The following CDK12 variants were observed in gnomAD, a reference collection of about 807,000 sequenced individuals.
CDK12 encodes the protein cyclin-dependent kinase 12.
A neutral mutation model predicts 133.8 loss-of-function variants in CDK12; 17 were observed. That is an observed-to-expected ratio of 0.13 (90% CI 0.09 to 0.19). The LOEUF (loss-of-function observed/expected upper bound fraction) is 0.19, where lower values mean the gene tolerates loss of function less well. CDK12 is among the 10% of genes least tolerant of loss of function. The pLI is 1.00. For synonymous variants in CDK12, 694 were observed against 683.6 expected, an observed-to-expected ratio of 1.02 and a Z score of -0.24; for missense variants, 1,508 against 1,818.7, an observed-to-expected ratio of 0.83 and a Z score of 3.11.
chr17:39,471,109 T>G lies in CDK12; in HGVS notation c.1277T>G (p.Phe426Cys), dbSNP rs779048492. Reference protein sequence around the residue: ...DGKESKGSPVFLPRKENSSVE... With the variant: ...DGKESKGSPVCLPRKENSSVE... ...AAGGAGTCCAAGGGTTCACCTGTATTTTTGCCTAGAAAAGAGAACAGTTCA... is the reference window on the plus strand; with the variant it reads ...AAGGAGTCCAAGGGTTCACCTGTATGTTTGCCTAGAAAAGAGAACAGTTCA... Residue 426 changes from phenylalanine to cysteine, a missense_variant, in exon 2 of 14, where the codon TTT becomes TGT. By Grantham distance (205) the Phe-to-Cys change is radical (BLOSUM62 -2). Around this residue, in one of 9 missense-constraint regions of CDK12, gnomAD observed 347 missense variants for 330.8 expected, o/e 1.05. Coordinates refer to ENST00000447079, the MANE Select transcript of CDK12 (RefSeq NM_016507.4). 1.9e-6 allele frequency: 3 copies of G among 1,608,876 alleles called. No individual in the cohort carries two copies. The East Asian group carries it at 6.7e-5, about 36-fold the overall frequency.
rs1334423516 is a variant in CDK12 at position 39,534,041 on chromosome 17, A to G, written c.*2725A>G. On this transcript the variant is annotated 3_prime_UTR_variant, in exon 14 of 14. Transcript: ENST00000447079. ...TTATTTTGAACAGATGAGAAATCTG[A>G]TTCTGTTCATGAGTGGGAGGCAAAA... The G allele has an allele frequency of 4.3e-6, 1 of 232,450 alleles. No homozygotes were observed. Among genetic ancestry groups the G allele is most frequent in the East Asian group, 6.0e-5 (1 of 16,576 alleles). The allele number at this position is 232,450 out of a possible 1,614,324, so 14.4% of individuals were successfully genotyped here.
chr17:39,487,747 A>T (rs1382466805), intron 2 of CDK12, among the ~76,000 whole-genome samples: 2 of 151,628 alleles, frequency 1.3e-5, no homozygotes, highest in Non-Finnish European at 2.9e-5. Flanking sequence ...AGTAGCTGGA[A>T]CTACAGGCAC....
At chr17:39,520,194 T>A (rs2054078007) in intron 11 of CDK12, 107 bp downstream of exon 11, 1 of 1,158,832 alleles carries the variant, frequency 8.6e-7, no homozygotes, top group Non-Finnish European at 1.2e-6. Context: ...AATGAAGAGG[T>A]GTCTTTGAGT....
At chr17:39,496,266 T>A (rs1437699910) in intron 5 of CDK12, among the ~76,000 whole-genome samples, 1 of 152,170 alleles carries the variant, frequency 6.6e-6, no homozygotes, top group Non-Finnish European at 1.5e-5. Flanking sequence ...AAGCTGAGAT[T>A]AAAGGTTATT....
intron 12 of CDK12, among the ~76,000 whole-genome samples, chr17:39,525,209 A>G (rs2054423208): frequency 1.3e-5 from 2 of 152,254 alleles, no homozygotes; most frequent in South Asian, 2.1e-4. Context: ...TATGAAACAC[A>G]TAATTTGGAG....
chr17:39,551,154 T>C (rs2055939725), intron 2 of CDK12: 1 of 152,220 alleles, frequency 6.6e-6, no homozygotes, highest in East Asian at 1.9e-4. Flanking sequence ...TAGGTAGGTG[T>C]TGGGGGAGGA....
At chr17:39,483,296 C>T (rs2050867688) in intron 2 of CDK12, among the ~76,000 whole-genome samples, 1 of 151,634 alleles carries the variant, frequency 6.6e-6, no homozygotes, top group Non-Finnish European at 1.5e-5. Context: ...ACAAGTTTTC[C>T]CTTTGTCGCC....
chr17:39,479,725 C>G (rs2050488151), intron 2 of CDK12, among the ~76,000 whole-genome samples: 1 of 151,358 alleles, frequency 6.6e-6, no homozygotes. Flanking sequence ...CTCTCGGGTT[C>G]AAGCAATTCT....
At chr17:39,544,229 C>A, upstream of CDK12, 1 of 483,260 alleles carries the variant, frequency 2.1e-6, no homozygotes, top group South Asian at 1.5e-5. Context: ...TCTAATGTAA[C>A]CTGCCATTTT....
chr17:39,563,193 ACACT>A (rs1336180136), intron 3 of CDK12, among the ~76,000 whole-genome samples: 1 of 151,630 alleles, frequency 6.6e-6, no homozygotes, highest in East Asian at 1.9e-4. Context: ...GCACACACAC[ACACT>A]CACACACACG....
intron 13 of CDK12, among the ~76,000 whole-genome samples, chr17:39,527,241 G>T (rs950746419): frequency 6.6e-6 from 1 of 152,224 alleles, no homozygotes; most frequent in African/African-American, 2.4e-5. Context: ...ATGTTTTAAG[G>T]CCTGGCCTAT....
At chr17:39,565,886 G>C (rs1815728409), downstream of CDK12, among the ~76,000 whole-genome samples, 1 of 152,138 alleles carries the variant, frequency 6.6e-6, no homozygotes, top group South Asian at 2.1e-4. Flanking sequence ...GAGTTCTTCT[G>C]AGCTCTCCAC....
At chr17:39,536,548 C>T (rs1326469140), downstream of CDK12, among the ~76,000 whole-genome samples, 1 of 152,212 alleles carries the variant, frequency 6.6e-6, no homozygotes, top group Non-Finnish European at 1.5e-5. Context: ...TTTTTATCCT[C>T]TTCTTCCATA....
intron 2 of CDK12, among the ~76,000 whole-genome samples, chr17:39,479,438 T>C (rs917263764): frequency 2.0e-5 from 3 of 152,188 alleles, no homozygotes; most frequent in African/African-American, 7.2e-5. Flanking sequence ...TTTAGTATGT[T>C]GTGGGTGGAA....
chr17:39,558,323 G>C (rs1042429280), intron 3 of CDK12, among the ~76,000 whole-genome samples: 1 of 152,180 alleles, frequency 6.6e-6, no homozygotes, highest in Admixed American at 6.5e-5. Flanking sequence ...CCAGGATGGA[G>C]GGGGGAGAGA....
intron 11 of CDK12, among the ~76,000 whole-genome samples, chr17:39,521,369 C>G (rs995098543): frequency 2.0e-5 from 3 of 151,970 alleles, no homozygotes; most frequent in East Asian, 1.9e-4. Flanking sequence ...CTCCCAGTTT[C>G]AAGCAATTCT....
chr17:39,527,300 G>A (rs570623343), intron 13 of CDK12, among the ~76,000 whole-genome samples: 9 of 152,330 alleles, frequency 5.9e-5, no homozygotes, highest in East Asian at 5.8e-4. Context: ...TAGAGATGCC[G>A]TAACTAATTA....
At chr17:39,566,884 T>C (rs2056592276), downstream of CDK12, 1 of 152,336 alleles carries the variant, frequency 6.6e-6, no homozygotes. Flanking sequence ...GGAAGTAGGT[T>C]AGGGAATGGT....
intron 1 of CDK12, among the ~76,000 whole-genome samples, chr17:39,469,999 A>T (rs2049667039): frequency 6.6e-6 from 1 of 152,182 alleles, no homozygotes; most frequent in Non-Finnish European, 1.5e-5. Context: ...TCTGAAAGTA[A>T]TCATTGTGAG....
Sources: allele counts gnomAD v4.1 joint callset (sites outside exome capture counted in the v4.1 genomes callset), GRCh38; gene constraint gnomAD v4.1.1; regional missense constraint gnomAD v4.1.1; transcripts MANE v1.5; gene names NCBI Gene and HGNC (gene_info 2026-07-23, HGNC 2026-07-21).